Variants in KAZN observed in about 807,000 individuals in gnomAD.
KAZN encodes the protein kazrin, periplakin interacting protein, also known as kazrin.
In KAZN, 40 loss-of-function variants were observed where a neutral mutation model predicts 87.4. The observed-to-expected ratio is 0.46, with a 90% confidence interval of 0.36 to 0.60. The LOEUF is 0.60. Among genes scored for constraint, KAZN ranks in the 20% least tolerant of loss-of-function variants. The pLI, the probability that KAZN is intolerant of heterozygous loss-of-function variation, is 0.00. For synonymous variants in KAZN, 466 were observed against 458.3 expected, an observed-to-expected ratio of 1.02 and a Z score of -0.22; for missense variants, 898 against 1,073.9, an observed-to-expected ratio of 0.84 and a Z score of 2.29.
chr1:14,752,909 C>T (rs1436116516), intron 1 of KAZN, among the ~76,000 whole-genome samples: 2 of 152,190 alleles, frequency 1.3e-5, no homozygotes, highest in Non-Finnish European at 2.9e-5. Context: ...CAGTGCAGCC[C>T]AGCTGTGCAT....
intron 1 of KAZN, among the ~76,000 whole-genome samples, chr1:14,134,766 G>A (rs887380983): frequency 6.6e-6 from 1 of 152,034 alleles, no homozygotes; most frequent in Non-Finnish European, 1.5e-5. Context: ...GAACACACTG[G>A]CCTTCACCTC....
intron 2 of KAZN, among the ~76,000 whole-genome samples, chr1:14,529,317 T>C (rs969821797): frequency 3.7e-4 from 56 of 152,028 alleles, no homozygotes; most frequent in Non-Finnish European, 4.4e-5. Context: ...AAATAAATAA[T>C]TGTCTTTCTT....
chr1:14,306,220 A>G (rs1300786568), intron 2 of KAZN, among the ~76,000 whole-genome samples: 1 of 152,208 alleles, frequency 6.6e-6, no homozygotes, highest in African/African-American at 2.4e-5. Flanking sequence ...GCTTTGTGAA[A>G]AAATTAAATC....
chr1:14,636,042 TCAA>T (rs1331700782), intron 1 of KAZN, among the ~76,000 whole-genome samples: 1 of 152,198 alleles, frequency 6.6e-6, no homozygotes, highest in Non-Finnish European at 1.5e-5. Flanking sequence ...CCTCCACACT[TCAA>T]CACCAACCTC....
At chr1:14,117,949 A>G (rs1023362786) in intron 1 of KAZN, among the ~76,000 whole-genome samples, 1 of 152,144 alleles carries the variant, frequency 6.6e-6, no homozygotes, top group Non-Finnish European at 1.5e-5. Context: ...ACCCTTTGCT[A>G]TTTACAGAAA....
At chr1:13,983,797 A>G (rs1638875256) in intron 1 of KAZN, among the ~76,000 whole-genome samples, 1 of 152,148 alleles carries the variant, frequency 6.6e-6, no homozygotes, top group South Asian at 2.1e-4. Context: ...CACTTACAAA[A>G]CTAATGCCTT....
chr1:14,954,040 T>C (rs1662797934), intron 1 of KAZN, among the ~76,000 whole-genome samples: 2 of 152,220 alleles, frequency 1.3e-5, no homozygotes, highest in African/African-American at 4.8e-5. Flanking sequence ...CTTTGCCACC[T>C]GGTATGGACC....
rs144908199 is a variant in KAZN at position 15,015,328 on chromosome 1, T to G, written c.419-19421T>G. 8.0e-3 allele frequency among the ~76,000 whole-genome samples: 1,223 copies of G among 152,190 alleles called. 56 individuals carry two copies. In the East Asian group the frequency reaches 0.12, roughly 15 times the overall value. On this transcript the variant is annotated intron_variant, in intron 2 of 14. Coordinates refer to ENST00000376030, the MANE Select transcript of KAZN (RefSeq NM_201628.3). ...CCACCACACCCAGCTAATTTTTGTA[T>G]TTTTAGTAGAGACGGGATTTCGCCA...
chr1:14,335,958 GGCTCCT>G (rs1264577951), intron 2 of KAZN, among the ~76,000 whole-genome samples: 5 of 152,342 alleles, frequency 3.3e-5, no homozygotes, highest in African/African-American at 1.2e-4. Flanking sequence ...TTGGTCAGAA[GGCTCCT>G]GCAGCAATGC....
intron 1 of KAZN, among the ~76,000 whole-genome samples, chr1:14,653,481 CCCGGGGCGG>C (rs1638578277): frequency 6.6e-6 from 1 of 152,152 alleles, no homozygotes; most frequent in South Asian, 2.1e-4. Flanking sequence ...AGAATGTAGG[CCCGGGGCGG>C]CCAGACCGGT....
intron 1 of KAZN, among the ~76,000 whole-genome samples, chr1:14,709,822 TC>T (rs1447630758): frequency 2.6e-5 from 4 of 152,210 alleles, no homozygotes; most frequent in Non-Finnish European, 4.4e-5. Context: ...AGGTGCCTTT[TC>T]TTATGAACAT....
intron 1 of KAZN, among the ~76,000 whole-genome samples, chr1:14,918,924 A>C (rs767989177): frequency 6.6e-6 from 1 of 151,774 alleles, no homozygotes; most frequent in African/African-American, 2.4e-5. Context: ...CCTGACCCAT[A>C]GAAACTATGA....
intron 3 of KAZN, among the ~76,000 whole-genome samples, chr1:15,043,158 T>C (rs1573156856): frequency 6.6e-6 from 1 of 152,282 alleles, no homozygotes; most frequent in East Asian, 1.9e-4. Flanking sequence ...CAGCAACTGT[T>C]TCTCTCACAG....
chr1:14,194,734 T>G (rs1646491720), intron 2 of KAZN, among the ~76,000 whole-genome samples: 2 of 152,094 alleles, frequency 1.3e-5, no homozygotes, highest in Non-Finnish European at 2.9e-5. Flanking sequence ...TAGGAGGGCA[T>G]GGGCCCTTGA....
At chr1:14,555,001 G>A (rs189467912) in intron 2 of KAZN, among the ~76,000 whole-genome samples, 2 of 152,276 alleles carry the variant, frequency 1.3e-5, no homozygotes, top group East Asian at 1.9e-4. Flanking sequence ...CTATGATTCC[G>A]AAGAACAAGT....
intron 2 of KAZN, among the ~76,000 whole-genome samples, chr1:14,283,134 G>GT (rs1408857117): frequency 1.3e-5 from 2 of 152,082 alleles, no homozygotes; most frequent in Admixed American, 6.6e-5. Context: ...TTCTTTCTTT[G>GT]TTTTTTCCAC....
chr1:13,937,935 T>C (rs1156425568), intron 1 of KAZN, among the ~76,000 whole-genome samples: 1 of 152,202 alleles, frequency 6.6e-6, no homozygotes, highest in African/African-American at 2.4e-5. Context: ...AGTATCATTA[T>C]AGTATAATTT....
At chr1:14,335,913 A>G (rs546652238) in intron 2 of KAZN, among the ~76,000 whole-genome samples, 6 of 152,310 alleles carry the variant, frequency 3.9e-5, no homozygotes, top group Admixed American at 3.9e-4. Context: ...GGACCACTGG[A>G]AACAATCTAG....
chr1:14,410,491 C>T (rs536287333), intron 2 of KAZN, among the ~76,000 whole-genome samples: 30 of 152,294 alleles, frequency 2.0e-4, no homozygotes, highest in Middle Eastern at 3.4e-3. Context: ...ATTTAGATGA[C>T]GGACATGCAT....
Sources: allele counts gnomAD v4.1 joint callset (sites outside exome capture counted in the v4.1 genomes callset), GRCh38; gene constraint gnomAD v4.1.1; transcripts MANE v1.5; gene names NCBI Gene and HGNC (gene_info 2026-07-23, HGNC 2026-07-21).